Variants in HCN1 observed in about 807,000 individuals in gnomAD.
HCN1 encodes hyperpolarization activated cyclic nucleotide gated potassium channel 1.
In HCN1, 13 loss-of-function variants were observed where a neutral mutation model predicts 78.9. The observed-to-expected ratio is 0.16, with a 90% CI of 0.11 to 0.26. HCN1 has a LOEUF of 0.26. Among genes scored for constraint, HCN1 ranks in the 10% least tolerant of loss-of-function variants. HCN1 has a pLI of 1.00. For synonymous variants in HCN1, 552 were observed against 455.5 expected, an observed-to-expected ratio of 1.21 and a Z score of -2.70; for missense variants, 810 against 1,154.3, an observed-to-expected ratio of 0.70 and a Z score of 4.32.
intron 5 of HCN1, among the ~76,000 whole-genome samples, chr5:45,317,899 A>G (rs967654501): frequency 6.6e-6 from 1 of 152,188 alleles, no homozygotes; most frequent in South Asian, 2.1e-4. Context: ...GGCGATCATT[A>G]AAAAGTCAGG....
chr5:45,372,633 CATTTTATATAAAAATATATA>C (rs1186209835), intron 4 of HCN1, among the ~76,000 whole-genome samples: 1 of 105,750 alleles, frequency 9.5e-6, no homozygotes, highest in Non-Finnish European at 1.7e-5. Flanking sequence ...ATATATAAAA[CATTTTATATAAAAATATATA>C]AAACATTTAT....
chr5:45,531,673 C>A (rs1046973590), intron 2 of HCN1, among the ~76,000 whole-genome samples: 1 of 152,044 alleles, frequency 6.6e-6, no homozygotes, highest in Non-Finnish European at 1.5e-5. Context: ...ATTTTTTTGC[C>A]TGCTAGAATA....
intron 6 of HCN1, among the ~76,000 whole-genome samples, chr5:45,276,882 G>T (rs1579773013): frequency 6.6e-6 from 1 of 152,046 alleles, no homozygotes; most frequent in Non-Finnish European, 1.5e-5. Flanking sequence ...GAGGACAAGA[G>T]AAAAGGAACA....
intron 3 of HCN1, among the ~76,000 whole-genome samples, chr5:45,425,785 C>T (rs996205601): frequency 6.6e-6 from 1 of 151,984 alleles, no homozygotes; most frequent in Admixed American, 6.6e-5. Context: ...GAGATTTTAC[C>T]GACAGAAGAG....
intron 2 of HCN1, among the ~76,000 whole-genome samples, chr5:45,581,634 T>G (rs571181499): frequency 6.6e-6 from 1 of 152,312 alleles, no homozygotes; most frequent in Non-Finnish European, 1.5e-5. Context: ...GGTTTTCTTC[T>G]AGGGTTTTTA....
chr5:45,433,981 G>C (rs936397512), intron 3 of HCN1, among the ~76,000 whole-genome samples: 4 of 152,172 alleles, frequency 2.6e-5, no homozygotes, highest in Non-Finnish European at 4.4e-5. Flanking sequence ...TTAAGGAGGA[G>C]ATTAATCCAT....
At chr5:45,371,200 A>T (rs939633774) in intron 4 of HCN1, among the ~76,000 whole-genome samples, 56 of 152,218 alleles carry the variant, frequency 3.7e-4, no homozygotes, top group Middle Eastern at 6.8e-3. Context: ...TTAATAACCT[A>T]AAATCACAAC....
Position 45,255,996 on chromosome 5 carries a change from A to C in HCN1, c.*5925T>G, listed in dbSNP as rs1744603839. 6.6e-6 allele frequency: 1 copy of C among 152,170 alleles called. No homozygotes were observed. The highest frequency in any genetic ancestry group is 2.1e-4 in the South Asian group (1 of 4,836). 9.4% of individuals were successfully genotyped at this position (152,170 alleles called of 1,614,324 possible). A position where few individuals can be genotyped will look rare whatever the true frequency, so the allele number is the denominator to read the frequency against. On this transcript the variant is annotated 3_prime_UTR_variant, in exon 8 of 8. Coordinates refer to ENST00000303230, the MANE Select transcript of HCN1 (RefSeq NM_021072.4). The stretch of plus-strand genomic sequence containing the variant: ...CCTCTTTTGAAGAATTATTATATTT[A>C]CTAATTTATTCAGATTTCTTCAATT...
chr5:45,345,520 T>G lies in HCN1; in HGVS notation c.1377+7580A>C, dbSNP rs529311594. Among the ~76,000 whole-genome samples, 26 of 152,334 alleles carry G rather than the reference T, an allele frequency of 1.7e-4. 1 individual carries two copies. The highest frequency in any genetic ancestry group is 6.3e-4 in the African/African-American group (26 of 41,574). ...TGAACACTTTGCTGCTTAGAACTTT[T>G]TTTCCACTAGATACCCTAAATTATT... is the stretch of plus-strand genomic sequence containing the variant. On this transcript the variant is annotated intron_variant, in intron 5 of 7. Transcript: ENST00000303230.
At chr5:45,501,165 C>A (rs1282499301) in intron 2 of HCN1, among the ~76,000 whole-genome samples, 3 of 152,078 alleles carry the variant, frequency 2.0e-5, no homozygotes, top group African/African-American at 7.2e-5. Flanking sequence ...TTCCAAAGGG[C>A]AATATCTACT....
At chr5:45,425,792 A>G (rs1205344941) in intron 3 of HCN1, among the ~76,000 whole-genome samples, 1 of 152,210 alleles carries the variant, frequency 6.6e-6, no homozygotes, top group African/African-American at 2.4e-5. Flanking sequence ...TACCGACAGA[A>G]GAGTGTGATA....
At chr5:45,530,411 T>TA (rs56756031) in intron 2 of HCN1, among the ~76,000 whole-genome samples, 3,497 of 149,980 alleles carry the variant, frequency 0.023, 143 homozygotes, top group African/African-American at 0.081. Context: ...TGATTGTGTT[T>TA]TTATATATAT....
intron 4 of HCN1, among the ~76,000 whole-genome samples, chr5:45,390,631 T>C (rs1015470924): frequency 1.3e-5 from 2 of 152,140 alleles, no homozygotes; most frequent in African/African-American, 2.4e-5. Flanking sequence ...ACTTAGAGCA[T>C]TGACACAGAA....
intron 4 of HCN1, among the ~76,000 whole-genome samples, chr5:45,386,412 CA>C (rs1747909163): frequency 6.6e-6 from 1 of 152,008 alleles, no homozygotes; most frequent in South Asian, 2.1e-4. Context: ...CTCCCTGGTT[CA>C]AGCAATCCTC....
At chr5:45,514,863 A>C (rs935996191) in intron 2 of HCN1, among the ~76,000 whole-genome samples, 1 of 152,158 alleles carries the variant, frequency 6.6e-6, no homozygotes, top group African/African-American at 2.4e-5. Flanking sequence ...TTACTACTTC[A>C]TGAGGCATTC....
At chr5:45,679,096 T>C (rs1301512895) in intron 1 of HCN1, among the ~76,000 whole-genome samples, 1 of 152,080 alleles carries the variant, frequency 6.6e-6, no homozygotes, top group African/African-American at 2.4e-5. Context: ...AGTCATTGGA[T>C]CAGCATATGA....
At position 45,696,252 on chromosome 5, in the gene HCN1, A is replaced by C. The variant is rs2112110151; in HGVS notation, c.-159T>G. On this transcript the variant is annotated 5_prime_UTR_variant, in exon 1 of 8. Transcript: ENST00000303230. Reference sequence around the variant, plus strand: ...CGGCGGCGGCGGCTGCTGCTTCCCGACCGCGCCGCTGCTAGCTGCGCGCCT... The same window carrying C: ...CGGCGGCGGCGGCTGCTGCTTCCCGCCCGCGCCGCTGCTAGCTGCGCGCCT... 1 of 166,638 alleles carries C rather than the reference A, an allele frequency of 6.0e-6. No individual in the cohort carries two copies. 10.3% of individuals were successfully genotyped at this position (166,638 alleles called of 1,614,324 possible).
chr5:45,636,040 A>G (rs1745352103), intron 2 of HCN1, among the ~76,000 whole-genome samples: 1 of 152,170 alleles, frequency 6.6e-6, no homozygotes, highest in Non-Finnish European at 1.5e-5. Flanking sequence ...TTTTCATTAG[A>G]TAAGTATATT....
chr5:45,424,057 C>CCT (rs1740285644), intron 3 of HCN1, among the ~76,000 whole-genome samples: 1 of 144,322 alleles, frequency 6.9e-6, no homozygotes. Context: ...GGGCGGATCA[C>CCT]GAGGTCAGGA....
Sources: gnomAD v4.1 joint callset for allele counts (sites outside exome capture counted in the v4.1 genomes callset) on GRCh38, gnomAD v4.1.1 for gene constraint, MANE v1.5 for transcripts, NCBI Gene and HGNC (gene_info 2026-07-23, HGNC 2026-07-21) for gene names.